The following PLD1 variants were observed in gnomAD, a reference collection of about 807,000 sequenced individuals.
The protein encoded by PLD1 is phospholipase D1, also known as choline phosphatase 1.
A neutral mutation model predicts 137.1 loss-of-function variants in PLD1; 112 were observed. The ratio of observed to expected loss-of-function variants is 0.82; its 90% CI spans 0.70 to 0.96. The LOEUF (loss-of-function observed/expected upper bound fraction) is 0.96. PLD1 is among the 40% of genes least tolerant of loss of function. The pLI, the probability that PLD1 is intolerant of heterozygous loss-of-function variation, is 0.00. For synonymous variants in PLD1, 431 were observed against 454.7 expected (o/e 0.95, Z 0.66); for missense variants, 1,321 against 1,342.0 (o/e 0.98, Z 0.24).
intron 23 of PLD1, among the ~76,000 whole-genome samples, chr3:171,625,203 C>A (rs967473672): frequency 6.6e-6 from 1 of 152,216 alleles, no homozygotes; most frequent in South Asian, 2.1e-4. Context: ...GAGATTATAT[C>A]CCGCACATGG....
chr3:171,774,187 T>C (rs1172255935), intron 1 of PLD1, among the ~76,000 whole-genome samples: 1 of 152,186 alleles, frequency 6.6e-6, no homozygotes, highest in Non-Finnish European at 1.5e-5. Context: ...AACTCTTTCT[T>C]CCTGAGTGCG....
chr3:171,609,506 A>G (rs1044052353), intron 25 of PLD1, among the ~76,000 whole-genome samples: 2 of 120,084 alleles, frequency 1.7e-5, no homozygotes, highest in Non-Finnish European at 3.5e-5. Context: ...TACATAAAGA[A>G]AACACACACA....
At chr3:171,759,192 T>A (rs1440444178) in intron 1 of PLD1, among the ~76,000 whole-genome samples, 1 of 152,200 alleles carries the variant, frequency 6.6e-6, no homozygotes, top group East Asian at 1.9e-4. Flanking sequence ...ATGGTTTTCT[T>A]TTTAAGCGGT....
Position 171,603,305 on chromosome 3 carries a change from G to A in PLD1, c.3001-3C>T. 2.5e-6 allele frequency: 4 copies of A among 1,605,704 alleles called. No individual in the cohort carries two copies. Among genetic ancestry groups the A allele is most frequent in the Non-Finnish European group, 3.4e-6 (4 of 1,172,676 alleles). On this transcript the variant is annotated splice_polypyrimidine_tract_variant and splice_region_variant and intron_variant, in intron 26 of 26. Transcript: ENST00000351298. The stretch of plus-strand genomic sequence containing the variant: ...TCATTGGGAAGGCACCGGAAAACCT[G>A]ATTAGAGCATAAATAGAAAAATGAG...
chr3:171,627,377 G>A (rs1007577096), intron 23 of PLD1, among the ~76,000 whole-genome samples: 6 of 151,992 alleles, frequency 3.9e-5, no homozygotes, highest in Non-Finnish European at 4.4e-5. Flanking sequence ...TGAGTGACCT[G>A]CAAAGAGACT....
At position 171,677,564 on chromosome 3, in the gene PLD1, A is replaced by G. The variant is rs766228645; in HGVS notation, c.1996+2T>C. The G allele has an allele frequency of 6.2e-7, 1 of 1,612,938 alleles. No individual in the cohort carries two copies. Among genetic ancestry groups the G allele is most frequent in the Non-Finnish European group, 8.5e-7 (1 of 1,179,102 alleles). ...CCAGCACCCCACCATTATGATACTC[A>G]CCAGCAAAAGGTTTATCAAGTTGAA... On this transcript the variant is annotated splice_donor_variant, in intron 17 of 26. Transcript: ENST00000351298. LOFTEE classifies it high-confidence loss of function.
chr3:171,808,815 ATTTTTTTTT>A (rs60146546), intron 1 of PLD1, among the ~76,000 whole-genome samples: 25 of 86,236 alleles, frequency 2.9e-4, no homozygotes, highest in African/African-American at 9.7e-4. Flanking sequence ...TTAGCATTCA[ATTTTTTTTT>A]TTTTTTTTTT....
At chr3:171,629,707 C>T (rs948943819) in intron 23 of PLD1, among the ~76,000 whole-genome samples, 8 of 151,968 alleles carry the variant, frequency 5.3e-5, no homozygotes, top group Admixed American at 2.6e-4. Context: ...GAAATAACGC[C>T]GCATATCTAC....
chr3:171,706,169 C>G (rs1716680387), intron 11 of PLD1, among the ~76,000 whole-genome samples: 1 of 116,870 alleles, frequency 8.6e-6, no homozygotes, highest in Non-Finnish European at 1.8e-5. Context: ...TATCTATCTA[C>G]AACTGATATA....
At chr3:171,607,692 A>G (rs1732313761) in intron 25 of PLD1, among the ~76,000 whole-genome samples, 1 of 152,170 alleles carries the variant, frequency 6.6e-6, no homozygotes, top group African/African-American at 2.4e-5. Context: ...ACCACAAAAA[A>G]TTATTTCTGT....
chr3:171,637,263 G>A (rs562942484), intron 23 of PLD1, among the ~76,000 whole-genome samples: 39 of 152,268 alleles, frequency 2.6e-4, no homozygotes, highest in Middle Eastern at 6.8e-3. Flanking sequence ...TTGAGACGGA[G>A]TCTCACTCTG....
Position 171,620,438 on chromosome 3 carries a change from A to G in PLD1, c.2676T>C (p.Leu892=). The part of the protein sequence containing the change: ...AELEGNLVTE[L]IYVHSKLLIA... ...TTAACAACTTGCTGTGGACATAGAT[A>G]AGCTCAGTTACTAGGTTTCCTTCGA... Residue 892 remains leucine (L), a synonymous_variant, in exon 24 of 27, where the codon CTT becomes CTC. Coordinates refer to ENST00000351298, the MANE Select transcript of PLD1 (RefSeq NM_002662.5). The G allele has an allele frequency of 6.2e-7, 1 of 1,600,166 alleles. No homozygotes were observed. Among genetic ancestry groups the G allele is most frequent in the Non-Finnish European group, 8.6e-7 (1 of 1,169,364 alleles).
At chr3:171,809,298 AAG>A (rs1461999062) in intron 1 of PLD1, 3 of 152,232 alleles carry the variant, frequency 2.0e-5, no homozygotes, top group Non-Finnish European at 4.4e-5. Flanking sequence ...TTAATACTGA[AAG>A]AGATTCTTAT....
chr3:171,701,064 C>T (rs540789446), intron 11 of PLD1, among the ~76,000 whole-genome samples: 2 of 152,292 alleles, frequency 1.3e-5, no homozygotes, highest in African/African-American at 2.4e-5. Flanking sequence ...GTGAAATCAA[C>T]AGTGCTTTAA....
At position 171,735,663 on chromosome 3, in the gene PLD1, A is replaced by T. The variant is rs1363794291; in HGVS notation, c.289-26T>A. ...CTACAGTGATACATAAAAATGTTTG[A>T]TATTTTAGATAACAACAAAAATTCC... On this transcript the variant is annotated intron_variant, in intron 3 of 26. Coordinates refer to ENST00000351298, the MANE Select transcript of PLD1 (RefSeq NM_002662.5). The T allele has an allele frequency of 2.3e-6, 3 of 1,330,838 alleles. No homozygotes were observed. The African/African-American group carries it at 4.3e-5, about 19-fold the overall frequency. 82.4% of individuals were successfully genotyped at this position (1,330,838 alleles called of 1,614,324 possible). A position where few individuals can be genotyped will look rare whatever the true frequency, so the allele number is the denominator to read the frequency against.
chr3:171,709,746 ACTCTGTTCTAT>A lies in PLD1; in HGVS notation c.912-48_912-38del, dbSNP rs1716998343. The A allele has an allele frequency of 4.4e-6, 7 of 1,583,200 alleles. No individual in the cohort carries two copies. In the South Asian group the frequency reaches 6.8e-5, roughly 15 times the overall value. ...AAGCCAAATATTGAAAAGACTGGTC[ACTCTGTTCTAT>A]CTCATGCTCTTTTTTATTTGGTAAT... is the stretch of plus-strand genomic sequence containing the variant. On this transcript the variant is annotated intron_variant, in intron 9 of 26. Transcript: ENST00000351298.
intron 1 of PLD1, chr3:171,792,993 G>A (rs960798636): frequency 1.7e-5 from 5 of 286,954 alleles, no homozygotes; most frequent in Admixed American, 1.1e-4. Context: ...AATACCTGAA[G>A]GAGACTTGCA....
chr3:171,759,505 A>G (rs1721252126), intron 1 of PLD1, among the ~76,000 whole-genome samples: 2 of 152,320 alleles, frequency 1.3e-5, no homozygotes, highest in African/African-American at 2.4e-5. Flanking sequence ...ATGCCCTCAT[A>G]CTAGTAACTT....
chr3:171,788,250 CTTTTTTT>C (rs58878929), intron 1 of PLD1, among the ~76,000 whole-genome samples: 6 of 110,560 alleles, frequency 5.4e-5, no homozygotes, highest in African/African-American at 1.3e-4. Context: ...ATCTGCACTT[CTTTTTTT>C]TTTTTTTTTT....
Sources: allele counts gnomAD v4.1 joint callset (sites outside exome capture counted in the v4.1 genomes callset), GRCh38; gene constraint gnomAD v4.1.1; transcripts MANE v1.5; gene names NCBI Gene and HGNC (gene_info 2026-07-23, HGNC 2026-07-21).